ITPR2: variants seen among roughly 807,000 people sequenced by gnomAD.
ITPR2 encodes the protein inositol 1,4,5-trisphosphate receptor type 2.
In ITPR2, 207 loss-of-function variants were observed where a neutral mutation model predicts 317.1. The observed-to-expected ratio is 0.65, with a 90% CI of 0.58 to 0.73. The LOEUF is 0.73. Among genes scored for constraint, ITPR2 ranks in the 30% least tolerant of loss-of-function variants. The probability of loss-of-function intolerance (pLI) is 0.00; values close to 1 mark genes in which losing one functional copy is unlikely to be tolerated. For synonymous variants in ITPR2, 1,156 were observed against 1,149.1 expected (o/e 1.01, Z -0.12); for missense variants, 2,613 against 3,284.0 (o/e 0.80, Z 4.99).
At chr12:26,353,936 G>T (rs985072666) in intron 55 of ITPR2, among the ~76,000 whole-genome samples, 1 of 152,054 alleles carries the variant, frequency 6.6e-6, no homozygotes, top group East Asian at 1.9e-4. Flanking sequence ...AAATTGTTTA[G>T]CACCATAACC....
intron 2 of ITPR2, among the ~76,000 whole-genome samples, chr12:26,740,396 G>C (rs1949210304): frequency 6.6e-6 from 1 of 152,166 alleles, no homozygotes; most frequent in South Asian, 2.1e-4. Context: ...TTGGAGGTCA[G>C]AGTACCAACT....
chr12:26,654,170 G>A, intron 20 of ITPR2, 44 bp from the exon 21 acceptor site: 5 of 1,477,516 alleles, frequency 3.4e-6, no homozygotes, highest in South Asian at 2.6e-5. Context: ...GTGAAAGAGT[G>A]GAAAAAAAAA....
intron 29 of ITPR2, 26 bp downstream of exon 29, chr12:26,599,961 A>C: frequency 1.3e-6 from 2 of 1,552,718 alleles, no homozygotes; most frequent in Non-Finnish European, 8.9e-7. Flanking sequence ...TTTACTAGAA[A>C]TACTAGAAGC....
intron 42 of ITPR2, 44 bp from the exon 43 acceptor site, chr12:26,481,285 G>T: frequency 8.9e-7 from 1 of 1,121,676 alleles, no homozygotes; most frequent in South Asian, 1.3e-5. Flanking sequence ...ATTCACAACA[G>T]AATAGCACTA....
At chr12:26,465,384 G>A (rs78520388) in intron 45 of ITPR2, among the ~76,000 whole-genome samples, 2 of 152,208 alleles carry the variant, frequency 1.3e-5, no homozygotes, top group African/African-American at 2.4e-5. Flanking sequence ...CGGTGAAAAT[G>A]AAAGCCTGGC....
chr12:26,512,892 G>T (rs1943390430), intron 37 of ITPR2, among the ~76,000 whole-genome samples: 1 of 149,518 alleles, frequency 6.7e-6, no homozygotes, highest in African/African-American at 2.5e-5. Flanking sequence ...GCGCGATTTC[G>T]GCTCACCACA....
chr12:26,555,704 T>C (rs1196253979), intron 36 of ITPR2, among the ~76,000 whole-genome samples: 1 of 151,296 alleles, frequency 6.6e-6, no homozygotes, highest in Admixed American at 6.6e-5. Flanking sequence ...AGCATGGCCA[T>C]GTGCGGGGTC....
rs1945934947 is a variant in ITPR2, at chr12:26,599,307, G to T, written c.3840C>A (p.Asn1280Lys). ...TAATTTCGTTGCACAGATGGTAATT[G>T]TTCATGAAGATGTGCCGCATGGTTT... The part of the protein sequence containing the change: ...EAETMRHIFM[N>K]NYHLCNEISE... The change falls in exon 30 of 57, where the codon AAC (asparagine) becomes AAA (lysine). Residue 1280 changes from asparagine (N) to lysine (K), a missense_variant. Physicochemically the swap from Asn to Lys is moderately conservative, Grantham distance 94 (BLOSUM62 0). Around this residue, in one of 9 missense-constraint regions of ITPR2, gnomAD observed 817 missense variants for 897.6 expected, o/e 0.91. Coordinates refer to ENST00000381340, the MANE Select transcript of ITPR2 (RefSeq NM_002223.4). The T allele has an allele frequency of 6.2e-7, 1 of 1,614,080 alleles. No individual in the cohort carries two copies. The highest frequency in any genetic ancestry group is 1.3e-5 in the African/African-American group (1 of 75,040).
At chr12:26,595,679 T>C in intron 31 of ITPR2, 89 bp from the exon 32 acceptor site, 1 of 1,059,692 alleles carries the variant, frequency 9.4e-7, no homozygotes, top group Non-Finnish European at 1.3e-6. Context: ...TAAAATCTGT[T>C]AGTTTTTATG....
At chr12:26,800,651 A>G (rs1356624026) in intron 1 of ITPR2, among the ~76,000 whole-genome samples, 1 of 152,240 alleles carries the variant, frequency 6.6e-6, no homozygotes, top group African/African-American at 2.4e-5. Flanking sequence ...ATGAAAAATA[A>G]TTATTGAATA....
intron 55 of ITPR2, among the ~76,000 whole-genome samples, chr12:26,347,126 T>A (rs1456487645): frequency 6.6e-6 from 1 of 152,194 alleles, no homozygotes; most frequent in African/African-American, 2.4e-5. Context: ...TCTGGGCAAG[T>A]TCTTCCATAT....
chr12:26,458,644 G>A (rs1275760038), intron 45 of ITPR2, among the ~76,000 whole-genome samples: 1 of 152,168 alleles, frequency 6.6e-6, no homozygotes, highest in Non-Finnish European at 1.5e-5. Flanking sequence ...ATAAAATGAG[G>A]GGTGACGGAG....
chr12:26,593,101 C>G (rs1285485489), intron 32 of ITPR2, among the ~76,000 whole-genome samples: 1 of 152,204 alleles, frequency 6.6e-6, no homozygotes, highest in African/African-American at 2.4e-5. Flanking sequence ...AGTCTGGACT[C>G]GAACTCTGGT....
At chr12:26,545,416 T>A (rs1944372271) in intron 37 of ITPR2, among the ~76,000 whole-genome samples, 1 of 152,004 alleles carries the variant, frequency 6.6e-6, no homozygotes, top group African/African-American at 2.4e-5. Flanking sequence ...TGAAAGGTAC[T>A]ACACTACCGG....
intron 55 of ITPR2, among the ~76,000 whole-genome samples, chr12:26,371,283 T>A (rs1413097590): frequency 6.6e-6 from 1 of 152,264 alleles, no homozygotes; most frequent in East Asian, 1.9e-4. Flanking sequence ...AAGTTCTCTT[T>A]CACCTAAAGT....
rs144745253 is a variant in ITPR2 at position 26,454,998 on chromosome 12, A to G, written c.6343-11348T>C. ...TTTTCTCTATGATATACCTATTCCA[A>G]GAATGAGTCAATTGCTTTTCTGTTT... On this transcript the variant is annotated intron_variant, in intron 45 of 56. Transcript: ENST00000381340. 5.1e-3 allele frequency among the ~76,000 whole-genome samples: 776 copies of G among 152,308 alleles called. 2 individuals carry two copies. Among genetic ancestry groups the G allele is most frequent in the Middle Eastern group, 0.014 (4 of 294 alleles).
chr12:26,735,466 G>C (rs1949105375), intron 2 of ITPR2, among the ~76,000 whole-genome samples: 1 of 152,062 alleles, frequency 6.6e-6, no homozygotes, highest in East Asian at 1.9e-4. Context: ...GTAGGGAAGA[G>C]GACAGGGAAG....
intron 37 of ITPR2, among the ~76,000 whole-genome samples, chr12:26,542,774 A>G (rs1285769058): frequency 6.6e-6 from 1 of 152,196 alleles, no homozygotes; most frequent in Admixed American, 6.5e-5. Context: ...CTGTTGCCCT[A>G]TAGATTATAT....
intron 2 of ITPR2, among the ~76,000 whole-genome samples, chr12:26,754,608 C>T (rs1251312090): frequency 6.6e-6 from 1 of 151,784 alleles, no homozygotes; most frequent in Non-Finnish European, 1.5e-5. Context: ...ATTTTTTTTG[C>T]CTAAGTTTAG....
Sources: gnomAD v4.1 joint callset for allele counts (sites outside exome capture counted in the v4.1 genomes callset) on GRCh38, gnomAD v4.1.1 for gene constraint, gnomAD v4.1.1 regional missense constraint, MANE v1.5 for transcripts, NCBI Gene and HGNC (gene_info 2026-07-23, HGNC 2026-07-21) for gene names.